SNTB1: variants seen among roughly 807,000 people sequenced by gnomAD.
SNTB1 encodes the protein beta-1-syntrophin.
A neutral mutation model predicts 48.9 loss-of-function variants in SNTB1; 36 were observed. The observed-to-expected ratio is 0.74, with a 90% CI of 0.56 to 0.97. SNTB1 has a LOEUF of 0.97. Ranked by LOEUF, SNTB1 falls within the 50% of genes least tolerant of loss-of-function variation. The probability of loss-of-function intolerance (pLI) is 0.00; values close to 1 mark genes in which losing one functional copy is unlikely to be tolerated. For missense variants in SNTB1, 786 were observed against 703.4 expected (o/e 1.12, Z -1.33); for synonymous variants, 299 against 294.6 (o/e 1.01, Z -0.15).
chr8:120,761,969 C>G (rs1266656072), intron 1 of SNTB1, among the ~76,000 whole-genome samples: 1 of 152,146 alleles, frequency 6.6e-6, no homozygotes, highest in Non-Finnish European at 1.5e-5. Context: ...AAAAATAAAG[C>G]CACTGGAAGA....
chr8:120,706,728 T>C (rs767645798), intron 1 of SNTB1, among the ~76,000 whole-genome samples: 3 of 152,128 alleles, frequency 2.0e-5, no homozygotes, highest in Admixed American at 6.5e-5. Context: ...AGGAAGTGTG[T>C]CTCTCTCTTG....
At position 120,610,815 on chromosome 8, in the gene SNTB1, C is replaced by T. The variant is rs115176804; in HGVS notation, c.996+21629G>A. 2.1e-3 allele frequency among the ~76,000 whole-genome samples: 326 copies of T among 152,248 alleles called. 2 individuals are homozygous for T. The highest frequency in any genetic ancestry group is 6.9e-3 in the African/African-American group (285 of 41,572). ...TAAGAGACTGCTTTTCCCTGGTGCC[C>T]GCTGTGATCAATTATTACTTTAGAG... is the stretch of plus-strand genomic sequence containing the variant. On this transcript the variant is annotated intron_variant, in intron 3 of 6. Transcript: ENST00000517992.
intron 4 of SNTB1, among the ~76,000 whole-genome samples, chr8:120,567,397 T>C (rs1409332725): frequency 6.7e-6 from 1 of 148,756 alleles, no homozygotes; most frequent in African/African-American, 2.5e-5. Flanking sequence ...AGCCACTACT[T>C]CATTACAGGG....
chr8:120,669,981 T>C (rs1245267860), intron 2 of SNTB1, among the ~76,000 whole-genome samples: 1 of 152,252 alleles, frequency 6.6e-6, no homozygotes, highest in Non-Finnish European at 1.5e-5. Context: ...GAATACCTTC[T>C]CAATTTGACT....
chr8:120,558,570 A>G (rs1815605587), intron 4 of SNTB1, among the ~76,000 whole-genome samples: 1 of 152,218 alleles, frequency 6.6e-6, no homozygotes, highest in South Asian at 2.1e-4. Context: ...AAGTGAAAAA[A>G]TAAATAGGAC....
At chr8:120,787,978 A>T (rs746241771) in intron 1 of SNTB1, among the ~76,000 whole-genome samples, 11 of 152,194 alleles carry the variant, frequency 7.2e-5, no homozygotes, top group Non-Finnish European at 1.5e-4. Flanking sequence ...GCAGTGAGAC[A>T]AAAGCATCAG....
Position 120,590,675 on chromosome 8 carries a change from C to G in SNTB1, c.997-15450G>C, listed in dbSNP as rs867012576. ...ATTATAGGTTTCTTTCTTTTGTTTT[C>G]TTTTCTTTTCTTTTTTTTTTTTTTT... On this transcript the variant is annotated intron_variant, in intron 3 of 6. Coordinates refer to ENST00000517992, the MANE Select transcript of SNTB1 (RefSeq NM_021021.4). 6.0e-3 allele frequency among the ~76,000 whole-genome samples: 835 copies of G among 139,010 alleles called. 7 individuals carry two copies. The highest frequency in any genetic ancestry group is 0.023 in the African/African-American group (764 of 33,782). The allele number at this position is 139,010 out of a possible 152,430, so 91.2% of individuals were successfully genotyped here.
chr8:120,547,852 A>G (rs1044356403), intron 5 of SNTB1, among the ~76,000 whole-genome samples: 7 of 152,082 alleles, frequency 4.6e-5, no homozygotes, highest in African/African-American at 1.7e-4. Flanking sequence ...CTCTTCCCAG[A>G]ACTGTCCCTT....
intron 2 of SNTB1, among the ~76,000 whole-genome samples, chr8:120,656,627 T>C (rs1047119596): frequency 2.0e-5 from 3 of 152,206 alleles, no homozygotes; most frequent in Non-Finnish European, 4.4e-5. Flanking sequence ...CTTATAATCT[T>C]AGTACTTACA....
At chr8:120,716,977 C>G (rs563896148) in intron 1 of SNTB1, among the ~76,000 whole-genome samples, 1 of 152,162 alleles carries the variant, frequency 6.6e-6, no homozygotes, top group Non-Finnish European at 1.5e-5. Flanking sequence ...CTGCAGAAAT[C>G]CTTAAGTTCC....
intron 3 of SNTB1, among the ~76,000 whole-genome samples, chr8:120,629,347 C>T (rs1816941845): frequency 6.6e-6 from 1 of 152,138 alleles, no homozygotes; most frequent in African/African-American, 2.4e-5. Flanking sequence ...TGTTTGAGTT[C>T]ATATAAATGC....
chr8:120,553,075 T>C (rs1815509298), intron 4 of SNTB1, among the ~76,000 whole-genome samples: 1 of 152,198 alleles, frequency 6.6e-6, no homozygotes, highest in Non-Finnish European at 1.5e-5. Flanking sequence ...TGCTAGCTGC[T>C]CACCTCCTGC....
At chr8:120,608,864 G>A (rs1035856512) in intron 3 of SNTB1, among the ~76,000 whole-genome samples, 1 of 152,172 alleles carries the variant, frequency 6.6e-6, no homozygotes, top group African/African-American at 2.4e-5. Context: ...GAAAGCAAAG[G>A]TGAGCAAAGA....
chr8:120,549,822 A>G (rs1246630246), intron 4 of SNTB1, among the ~76,000 whole-genome samples: 1 of 152,118 alleles, frequency 6.6e-6, no homozygotes, highest in African/African-American at 2.4e-5. Context: ...TATATCAACC[A>G]TTTGCAGGGT....
chr8:120,561,319 CAAAAAAA>C (rs1221884195), intron 4 of SNTB1, among the ~76,000 whole-genome samples: 9 of 45,670 alleles, frequency 2.0e-4, no homozygotes, highest in Non-Finnish European at 3.7e-4. Context: ...AACTCCATCT[CAAAAAAA>C]AAAAAAAAAA....
chr8:120,790,472 A>G (rs985400632), intron 1 of SNTB1, among the ~76,000 whole-genome samples: 1 of 151,912 alleles, frequency 6.6e-6, no homozygotes, highest in East Asian at 1.9e-4. Context: ...ACATAATCTT[A>G]TAAGTAGAAA....
chr8:120,571,349 T>C lies in SNTB1; in HGVS notation c.1136+3737A>G, dbSNP rs775963461. Reference sequence around the variant, plus strand: ...GGAATGTCTCAGAATCTGAAGATAATGTTCACGGATGAGGACTGTGGATGC... The same window carrying C: ...GGAATGTCTCAGAATCTGAAGATAACGTTCACGGATGAGGACTGTGGATGC... On this transcript the variant is annotated intron_variant, in intron 4 of 6. Transcript: ENST00000517992. 1.0e-4 allele frequency: 132 copies of C among 1,287,740 alleles called. 2 individuals carry two copies. Among genetic ancestry groups the C allele is most frequent in the Non-Finnish European group, 1.3e-4 (129 of 987,244 alleles). The allele number at this position is 1,287,740 out of a possible 1,614,324, so 79.8% of individuals were successfully genotyped here.
chr8:120,559,894 T>G (rs1815623645), intron 4 of SNTB1, among the ~76,000 whole-genome samples: 2 of 151,688 alleles, frequency 1.3e-5, no homozygotes, highest in Admixed American at 1.3e-4. Context: ...TTAATTGCTG[T>G]AATTAGCATC....
At chr8:120,758,192 C>A (rs1308522327) in intron 1 of SNTB1, among the ~76,000 whole-genome samples, 1 of 152,178 alleles carries the variant, frequency 6.6e-6, no homozygotes, top group East Asian at 1.9e-4. Context: ...TTTATATTCA[C>A]TCTTGAAATT....
Sources: allele counts gnomAD v4.1 joint callset (sites outside exome capture counted in the v4.1 genomes callset), GRCh38; gene constraint gnomAD v4.1.1; transcripts MANE v1.5; gene names NCBI Gene and HGNC (gene_info 2026-07-23, HGNC 2026-07-21).